The following ATRNL1 variants were observed in gnomAD, a reference collection of about 807,000 sequenced individuals.
The protein encoded by ATRNL1 is attractin like 1, also known as attractin-like protein 1.
Under a neutral mutation model 182.7 loss-of-function variants are expected in ATRNL1, and 95 were observed. The ratio of observed to expected loss-of-function variants is 0.52; its 90% CI spans 0.44 to 0.62. The LOEUF is 0.62. Among genes scored for constraint, ATRNL1 ranks in the 20% least tolerant of loss-of-function variants. The pLI, the probability that ATRNL1 is intolerant of heterozygous loss-of-function variation, is 0.00. For missense variants in ATRNL1, 1,471 were observed against 1,679.5 expected, an observed-to-expected ratio of 0.88 and a Z score of 2.17; for synonymous variants, 576 against 568.3, an observed-to-expected ratio of 1.01 and a Z score of -0.19.
chr10:115,262,413 T>C (rs1851431702), intron 10 of ATRNL1, among the ~76,000 whole-genome samples: 1 of 151,968 alleles, frequency 6.6e-6, no homozygotes, highest in Non-Finnish European at 1.5e-5. Flanking sequence ...TTACCAGATA[T>C]ACAAAAATAA....
intron 26 of ATRNL1, among the ~76,000 whole-genome samples, chr10:115,664,307 G>A (rs1860875389): frequency 1.3e-5 from 2 of 152,134 alleles, no homozygotes; most frequent in Non-Finnish European, 2.9e-5. Context: ...CATAGCAAAA[G>A]CATAGCAAAG....
intron 26 of ATRNL1, among the ~76,000 whole-genome samples, chr10:115,723,791 C>T (rs1555058882): frequency 6.6e-6 from 1 of 152,122 alleles, no homozygotes; most frequent in Non-Finnish European, 1.5e-5. Context: ...CTCCTGACCT[C>T]AGGTGATCCA....
At chr10:115,307,492 C>A (rs1853793515) in intron 17 of ATRNL1, among the ~76,000 whole-genome samples, 1 of 152,166 alleles carries the variant, frequency 6.6e-6, no homozygotes, top group Admixed American at 6.5e-5. Context: ...GAACTCCTGA[C>A]TTCAAGTAAT....
chr10:115,210,496 C>T (rs1554894734), intron 8 of ATRNL1, among the ~76,000 whole-genome samples: 1 of 151,876 alleles, frequency 6.6e-6, no homozygotes, highest in African/African-American at 2.4e-5. Context: ...TACCCTGGCT[C>T]CTCACAACCA....
chr10:115,499,114 TATA>T (rs1281317392), intron 24 of ATRNL1, among the ~76,000 whole-genome samples: 2 of 152,164 alleles, frequency 1.3e-5, no homozygotes, highest in East Asian at 3.8e-4. Flanking sequence ...ATGCAAATAC[TATA>T]ATTAAATACA....
intron 26 of ATRNL1, among the ~76,000 whole-genome samples, chr10:115,601,210 A>T (rs1856578029): frequency 6.6e-6 from 1 of 152,064 alleles, no homozygotes; most frequent in Non-Finnish European, 1.5e-5. Context: ...TTGAATTCTA[A>T]TTAGTTCTGT....
chr10:115,437,887 C>T (rs1846477069), intron 21 of ATRNL1, among the ~76,000 whole-genome samples: 1 of 151,940 alleles, frequency 6.6e-6, no homozygotes, highest in Non-Finnish European at 1.5e-5. Context: ...ATTCACAGAG[C>T]AGTCCTATGA....
At chr10:115,539,616 C>A (rs555752143) in intron 25 of ATRNL1, among the ~76,000 whole-genome samples, 1 of 152,302 alleles carries the variant, frequency 6.6e-6, no homozygotes, top group African/African-American at 2.4e-5. Flanking sequence ...AAAGGGAACT[C>A]TTAAGCTCAG....
At chr10:115,412,227 T>C (rs781806733) in intron 20 of ATRNL1, among the ~76,000 whole-genome samples, 9 of 152,194 alleles carry the variant, frequency 5.9e-5, no homozygotes, top group Non-Finnish European at 8.8e-5. Flanking sequence ...CACCAGCCAA[T>C]AGCAAGTGAA....
At chr10:115,099,834 G>A (rs538791102) in intron 1 of ATRNL1, among the ~76,000 whole-genome samples, 1 of 152,018 alleles carries the variant, frequency 6.6e-6, no homozygotes, top group African/African-American at 2.4e-5. Context: ...TTCTTATGAG[G>A]TATATCATTT....
At chr10:115,765,532 G>A (rs1948836300) in intron 27 of ATRNL1, among the ~76,000 whole-genome samples, 2 of 151,940 alleles carry the variant, frequency 1.3e-5, no homozygotes, top group Non-Finnish European at 2.9e-5. Context: ...CATATGTTTT[G>A]GATAACATGC....
chr10:115,599,526 C>G (rs577530417), intron 26 of ATRNL1, among the ~76,000 whole-genome samples: 2 of 111,578 alleles, frequency 1.8e-5, no homozygotes, highest in African/African-American at 7.8e-5. Flanking sequence ...AAAGTAAACC[C>G]GGATTTTTTT....
chr10:115,328,049 C>T (rs1476203907), intron 18 of ATRNL1, among the ~76,000 whole-genome samples: 1 of 151,724 alleles, frequency 6.6e-6, no homozygotes, highest in Non-Finnish European at 1.5e-5. Flanking sequence ...AACTAACCTG[C>T]ACATTGTGCA....
intron 1 of ATRNL1, among the ~76,000 whole-genome samples, chr10:115,102,497 G>T (rs371096040): frequency 6.6e-6 from 1 of 152,280 alleles, no homozygotes; most frequent in East Asian, 1.9e-4. Context: ...AGGCTGGAGT[G>T]CAGTGGCATG....
At chr10:115,714,731 T>C (rs1322812252) in intron 26 of ATRNL1, among the ~76,000 whole-genome samples, 1 of 152,168 alleles carries the variant, frequency 6.6e-6, no homozygotes, top group East Asian at 1.9e-4. Context: ...TTCTTTTCTC[T>C]GATCCACTTA....
intron 26 of ATRNL1, among the ~76,000 whole-genome samples, chr10:115,625,588 A>G (rs1246522001): frequency 2.0e-5 from 3 of 152,074 alleles, no homozygotes; most frequent in Admixed American, 6.5e-5. Flanking sequence ...AGTTTTATCC[A>G]TAACATTCTA....
At chr10:115,133,471 A>C (rs1177702431) in intron 5 of ATRNL1, among the ~76,000 whole-genome samples, 2 of 152,218 alleles carry the variant, frequency 1.3e-5, no homozygotes, top group Non-Finnish European at 2.9e-5. Context: ...TTAATGGTAA[A>C]GGGATCAATT....
At chr10:115,315,451 A>G in intron 17 of ATRNL1, 67 bp from the exon 18 acceptor site, 2 of 1,108,062 alleles carry the variant, frequency 1.8e-6, no homozygotes, top group East Asian at 2.4e-5. Context: ...TTTATTTTTT[A>G]TTAGCCTATA....
chr10:115,566,622 T>G (rs142916035), intron 26 of ATRNL1, among the ~76,000 whole-genome samples: 2 of 152,134 alleles, frequency 1.3e-5, no homozygotes, highest in Non-Finnish European at 2.9e-5. Context: ...GAGTGGAGTA[T>G]GTAAGAAAGC....
Sources: allele counts gnomAD v4.1 joint callset (sites outside exome capture counted in the v4.1 genomes callset), GRCh38; gene constraint gnomAD v4.1.1; transcripts MANE v1.5; gene names NCBI Gene and HGNC (gene_info 2026-07-23, HGNC 2026-07-21).